The following CSMD3 variants were observed in gnomAD, a reference collection of about 807,000 sequenced individuals.
CSMD3 encodes the protein CUB and Sushi multiple domains 3.
CSMD3 carries 177 observed loss-of-function variants against 435.2 expected under a neutral mutation model. The ratio of observed to expected loss-of-function variants is 0.41; its 90% CI spans 0.36 to 0.46. The LOEUF is 0.46. Ranked by LOEUF, CSMD3 falls within the 20% of genes least tolerant of loss-of-function variation. CSMD3 has a pLI of 0.34. For missense variants in CSMD3, 4,265 were observed against 4,504.6 expected (o/e 0.95, Z 1.52); for synonymous variants, 1,656 against 1,520.5 (o/e 1.09, Z -2.07).
At chr8:113,078,762 A>C (rs1188920739) in intron 5 of CSMD3, among the ~76,000 whole-genome samples, 1 of 152,188 alleles carries the variant, frequency 6.6e-6, no homozygotes, top group Non-Finnish European at 1.5e-5. Context: ...CATCATTTTC[A>C]TATTCTATTC....
intron 13 of CSMD3, among the ~76,000 whole-genome samples, chr8:112,752,537 G>A (rs1486204513): frequency 1.4e-4 from 21 of 152,156 alleles, no homozygotes; most frequent in Admixed American, 1.4e-3. Context: ...GAAAAGGGTA[G>A]AGGATACAAT....
chr8:112,470,965 T>C (rs1383702095), intron 32 of CSMD3, among the ~76,000 whole-genome samples: 1 of 152,148 alleles, frequency 6.6e-6, no homozygotes, highest in Non-Finnish European at 1.5e-5. Context: ...ACGTAGCAGT[T>C]TTTTTATATT....
At chr8:112,738,843 G>A (rs2077242590) in intron 13 of CSMD3, among the ~76,000 whole-genome samples, 1 of 151,668 alleles carries the variant, frequency 6.6e-6, no homozygotes, top group African/African-American at 2.4e-5. Flanking sequence ...TAAAAGTCTT[G>A]TGTAGTTATT....
At chr8:112,907,218 C>T (rs2082288119) in intron 10 of CSMD3, among the ~76,000 whole-genome samples, 1 of 151,442 alleles carries the variant, frequency 6.6e-6, no homozygotes, top group African/African-American at 2.4e-5. Context: ...GAAGGCCAAA[C>T]ATCTTATGTA....
chr8:113,076,766 G>A (rs930858889), intron 5 of CSMD3, among the ~76,000 whole-genome samples: 6 of 152,008 alleles, frequency 3.9e-5, no homozygotes, highest in African/African-American at 1.4e-4. Flanking sequence ...ATAAAACTAT[G>A]GTTACAATAA....
intron 5 of CSMD3, among the ~76,000 whole-genome samples, chr8:113,029,559 T>C (rs2131228516): frequency 6.6e-6 from 1 of 151,590 alleles, no homozygotes; most frequent in Non-Finnish European, 1.5e-5. Context: ...GCAAAAACAT[T>C]CAACAAGATC....
intron 4 of CSMD3, among the ~76,000 whole-genome samples, chr8:113,153,780 T>G (rs376453397): frequency 2.6e-5 from 4 of 152,174 alleles, no homozygotes; most frequent in African/African-American, 9.6e-5. Context: ...AAAGCTATTC[T>G]CTTTTGACTT....
chr8:112,485,398 C>T (rs991601594), intron 31 of CSMD3, among the ~76,000 whole-genome samples: 1 of 152,082 alleles, frequency 6.6e-6, no homozygotes, highest in Non-Finnish European at 1.5e-5. Flanking sequence ...CTTTTGTCTG[C>T]ATGCTTTAAT....
At chr8:113,066,616 G>C (rs1420224738) in intron 5 of CSMD3, among the ~76,000 whole-genome samples, 1 of 151,946 alleles carries the variant, frequency 6.6e-6, no homozygotes, top group East Asian at 1.9e-4. Flanking sequence ...CCTCATTTGG[G>C]CTAGTATTCC....
intron 13 of CSMD3, among the ~76,000 whole-genome samples, chr8:112,743,037 G>T (rs1406656242): frequency 6.6e-6 from 1 of 152,004 alleles, no homozygotes; most frequent in Admixed American, 6.6e-5. Context: ...AAATCATGCA[G>T]CTGGTGTCTG....
rs147215324 is a variant in CSMD3, at chr8:112,564,080, T to C, written c.4043-7126A>G. 2.7e-4 allele frequency among the ~76,000 whole-genome samples: 41 copies of C among 152,150 alleles called. No homozygotes were observed. In the East Asian group the frequency reaches 7.0e-3, roughly 26 times the overall value. The stretch of plus-strand genomic sequence containing the variant: ...ATACCTATCAAGTTAAGCATTTTTT[T>C]ATTCTGCTGAACTTCCCTCTACTGT... On this transcript the variant is annotated intron_variant, in intron 24 of 70. Coordinates refer to ENST00000297405, the MANE Select transcript of CSMD3 (RefSeq NM_198123.2).
At chr8:112,559,691 G>GA (rs1828441179) in intron 24 of CSMD3, among the ~76,000 whole-genome samples, 1 of 151,814 alleles carries the variant, frequency 6.6e-6, no homozygotes, top group African/African-American at 2.4e-5. Context: ...GAAGGAACTG[G>GA]AAAAGGACAC....
intron 16 of CSMD3, among the ~76,000 whole-genome samples, chr8:112,670,925 T>C (rs1029415863): frequency 1.3e-5 from 2 of 152,058 alleles, no homozygotes; most frequent in Admixed American, 6.6e-5. Context: ...GATGATTGAA[T>C]ATGCAACCCT....
chr8:112,297,483 T>C (rs1820428467), intron 53 of CSMD3, among the ~76,000 whole-genome samples: 1 of 152,018 alleles, frequency 6.6e-6, no homozygotes, highest in Admixed American at 6.5e-5. Context: ...TTCTATGTAA[T>C]TATTTCAATC....
At chr8:112,481,215 A>G (rs1333534620) in intron 31 of CSMD3, among the ~76,000 whole-genome samples, 1 of 152,070 alleles carries the variant, frequency 6.6e-6, no homozygotes, top group East Asian at 1.9e-4. Context: ...AAGAAGAAGG[A>G]GGAGGAGGAG....
At chr8:112,839,582 A>T (rs1057498545) in intron 11 of CSMD3, among the ~76,000 whole-genome samples, 2 of 151,888 alleles carry the variant, frequency 1.3e-5, no homozygotes, top group Non-Finnish European at 3.0e-5. Flanking sequence ...ACAAATTTGT[A>T]TAAGTTAGGT....
chr8:112,238,139 A>G (rs370713034), intron 66 of CSMD3, among the ~76,000 whole-genome samples: 1 of 152,214 alleles, frequency 6.6e-6, no homozygotes, highest in Non-Finnish European at 1.5e-5. Flanking sequence ...CCTGGGCAGC[A>G]GCTGAGAGAA....
chr8:112,731,381 T>C (rs1192012127), intron 13 of CSMD3, among the ~76,000 whole-genome samples: 9 of 152,154 alleles, frequency 5.9e-5, no homozygotes, highest in Non-Finnish European at 1.3e-4. Context: ...TGCATCTGTA[T>C]TATGTGAATT....
intron 42 of CSMD3, among the ~76,000 whole-genome samples, 191 bp from the exon 43 acceptor site, chr8:112,337,922 C>G (rs1157487054): frequency 6.6e-6 from 1 of 152,138 alleles, no homozygotes; most frequent in Non-Finnish European, 1.5e-5. Flanking sequence ...CTACAATTTT[C>G]ATATTTAAAA....
Sources: allele counts gnomAD v4.1 joint callset (sites outside exome capture counted in the v4.1 genomes callset), GRCh38; gene constraint gnomAD v4.1.1; transcripts MANE v1.5; gene names NCBI Gene and HGNC (gene_info 2026-07-23, HGNC 2026-07-21).